SGCD: variants seen among roughly 807,000 people sequenced by gnomAD.
SGCD encodes the protein sarcoglycan delta, also known as delta-sarcoglycan.
Under a neutral mutation model 36.6 loss-of-function variants are expected in SGCD, and 18 were observed. That is an observed-to-expected ratio of 0.49 (90% CI 0.34 to 0.73). The LOEUF (loss-of-function observed/expected upper bound fraction) is 0.73. Among genes scored for constraint, SGCD ranks in the 30% least tolerant of loss-of-function variants. The probability of loss-of-function intolerance (pLI) is 0.01; values close to 1 mark genes in which losing one functional copy is unlikely to be tolerated. For synonymous variants in SGCD, 133 were observed against 130.6 expected (o/e 1.02, Z -0.12); for missense variants, 387 against 346.7 (o/e 1.12, Z -0.92).
At chr5:156,391,343 G>A (rs1175954404) in intron 3 of SGCD, among the ~76,000 whole-genome samples, 1 of 152,204 alleles carries the variant, frequency 6.6e-6, no homozygotes, top group East Asian at 1.9e-4. Flanking sequence ...CGATGAAATT[G>A]CCTAATGATG....
At chr5:155,916,930 G>A (rs1471354517) in intron 1 of SGCD, among the ~76,000 whole-genome samples, 2 of 152,164 alleles carry the variant, frequency 1.3e-5, no homozygotes, top group South Asian at 2.1e-4. Flanking sequence ...AGATTACCCT[G>A]ATGGACTAGC....
At chr5:156,419,374 C>T (rs1313545401) in intron 3 of SGCD, among the ~76,000 whole-genome samples, 1 of 152,084 alleles carries the variant, frequency 6.6e-6, no homozygotes, top group East Asian at 1.9e-4. Context: ...CTTCTGTCTC[C>T]CACAGCATAG....
chr5:155,952,399 T>C (rs912401181), intron 1 of SGCD, among the ~76,000 whole-genome samples: 3 of 152,136 alleles, frequency 2.0e-5, no homozygotes, highest in Non-Finnish European at 2.9e-5. Flanking sequence ...TTTATGTTAG[T>C]TGGCCTTTAG....
chr5:155,890,638 T>TGATAGATGATA, intron 1 of SGCD, among the ~76,000 whole-genome samples: 1 of 143,438 alleles, frequency 7.0e-6, no homozygotes, highest in South Asian at 2.3e-4. Context: ...GATAGACAGA[T>TGATAGATGATA]GATAGATAGA....
chr5:156,250,003 A>T (rs1765536505), intron 3 of SGCD, among the ~76,000 whole-genome samples: 1 of 152,214 alleles, frequency 6.6e-6, no homozygotes, highest in South Asian at 2.1e-4. Context: ...CATAGATTTT[A>T]CATGTTACAG....
At chr5:156,495,981 T>C (rs1417482678) in intron 3 of SGCD, among the ~76,000 whole-genome samples, 6 of 152,156 alleles carry the variant, frequency 3.9e-5, no homozygotes. Context: ...TGAGTGCTCA[T>C]TGGGAGTGAT....
At chr5:155,904,019 C>A (rs1184214170) in intron 1 of SGCD, among the ~76,000 whole-genome samples, 1 of 152,118 alleles carries the variant, frequency 6.6e-6, no homozygotes, top group Non-Finnish European at 1.5e-5. Context: ...CGGAGTATTC[C>A]CAGTGAAGTG....
At chr5:155,761,807 ACCATCAACCTTT>A in the SGCD span, among the ~76,000 whole-genome samples, 1 of 149,798 alleles carries the variant, frequency 6.7e-6, no homozygotes, top group South Asian at 2.1e-4. Context: ...CATCATCCTC[ACCATCAACCTTT>A]CCATCACCTT....
At chr5:156,755,533 A>C (rs984368661) in intron 7 of SGCD, among the ~76,000 whole-genome samples, 1 of 152,232 alleles carries the variant, frequency 6.6e-6, no homozygotes, top group African/African-American at 2.4e-5. Flanking sequence ...TTAAGGTTCT[A>C]GACCAGGCCG....
intron 1 of SGCD, among the ~76,000 whole-genome samples, chr5:156,081,389 AC>A (rs2127591617): frequency 6.6e-6 from 1 of 152,030 alleles, no homozygotes; most frequent in South Asian, 2.1e-4. Context: ...ATATATTCAA[AC>A]CATAGCACTT....
chr5:156,160,696 C>T (rs1763066449), intron 3 of SGCD, among the ~76,000 whole-genome samples: 1 of 150,888 alleles, frequency 6.6e-6, no homozygotes, highest in African/African-American at 2.5e-5. Flanking sequence ...TAACATTGTG[C>T]TTGATTTAAG....
At chr5:156,229,273 C>CATATAT (rs1383896091) in intron 3 of SGCD, among the ~76,000 whole-genome samples, 8 of 8,574 alleles carry the variant, frequency 9.3e-4, no homozygotes, top group African/African-American at 1.7e-3. Flanking sequence ...TATATATATA[C>CATATAT]ATACATATAT....
chr5:156,335,250 T>C (rs1044795002), intron 2 of SGCD, among the ~76,000 whole-genome samples: 5 of 152,220 alleles, frequency 3.3e-5, no homozygotes, highest in African/African-American at 1.2e-4. Flanking sequence ...AATGCTGAAA[T>C]ATCTTCTGGT....
At chr5:156,330,325 T>A (rs1482727965) in intron 2 of SGCD, among the ~76,000 whole-genome samples, 1 of 152,256 alleles carries the variant, frequency 6.6e-6, no homozygotes, top group African/African-American at 2.4e-5. Flanking sequence ...ACGAACGTGC[T>A]GGTACTGGGG....
intron 7 of SGCD, among the ~76,000 whole-genome samples, chr5:156,729,257 C>T (rs1465635145): frequency 1.3e-5 from 2 of 152,160 alleles, no homozygotes; most frequent in South Asian, 2.1e-4. Context: ...CAATTACATG[C>T]GAAGCTTTCC....
Position 156,701,145 on chromosome 5 carries a change from G to A in SGCD, c.575+53609G>A, listed in dbSNP as rs965286417. 4.6e-5 allele frequency among the ~76,000 whole-genome samples: 7 copies of A among 152,214 alleles called. No homozygotes were observed. In the East Asian group the frequency reaches 9.7e-4, roughly 21 times the overall value. ...CTGTGGACTGCAGATTTGTATGTGT[G>A]GAGTCCATGGGAATTGGATTTCCAA... On this transcript the variant is annotated intron_variant, in intron 7 of 8. Coordinates refer to ENST00000337851, the MANE Select transcript of SGCD (RefSeq NM_000337.6).
chr5:156,097,970 C>A (rs766241030), intron 1 of SGCD, among the ~76,000 whole-genome samples: 1 of 152,132 alleles, frequency 6.6e-6, no homozygotes, highest in African/African-American at 2.4e-5. Flanking sequence ...TAGGTGCCAT[C>A]GGAATTCTCA....
intron 7 of SGCD, among the ~76,000 whole-genome samples, chr5:156,737,921 G>C (rs1343703332): frequency 6.6e-6 from 1 of 152,120 alleles, no homozygotes. Flanking sequence ...TCCTAATCCA[G>C]AGCTCCTTCT....
chr5:156,634,842 T>C (rs940797685), intron 6 of SGCD, among the ~76,000 whole-genome samples: 2 of 151,728 alleles, frequency 1.3e-5, no homozygotes, highest in East Asian at 3.9e-4. Context: ...GAGAGGAAAA[T>C]ACAGAAACAC....
Sources: allele counts gnomAD v4.1 joint callset (sites outside exome capture counted in the v4.1 genomes callset), GRCh38; gene constraint gnomAD v4.1.1; transcripts MANE v1.5; gene names NCBI Gene and HGNC (gene_info 2026-07-23, HGNC 2026-07-21).